Variants in TCF7L2 observed in about 807,000 individuals in gnomAD.
TCF7L2 encodes transcription factor 7-like 2.
In TCF7L2, 23 loss-of-function variants were observed where a neutral mutation model predicts 77.9. The observed-to-expected ratio is 0.30, with a 90% CI of 0.21 to 0.42. TCF7L2 has a LOEUF of 0.42. Among genes scored for constraint, TCF7L2 ranks in the 10% least tolerant of loss-of-function variants. The pLI, the probability that TCF7L2 is intolerant of heterozygous loss-of-function variation, is 1.00. For missense variants in TCF7L2, 654 were observed against 793.1 expected (o/e 0.82, Z 2.11); for synonymous variants, 413 against 340.2 (o/e 1.21, Z -2.36).
At chr10:112,967,585 A>G (rs1237754779) in intron 4 of TCF7L2, among the ~76,000 whole-genome samples, 1 of 152,162 alleles carries the variant, frequency 6.6e-6, no homozygotes, top group East Asian at 1.9e-4. Flanking sequence ...TCAGATGGCC[A>G]CGTTCTCCCA....
chr10:113,091,254 A>T (rs2060372335), intron 5 of TCF7L2, among the ~76,000 whole-genome samples: 1 of 152,230 alleles, frequency 6.6e-6, no homozygotes, highest in South Asian at 2.1e-4. Context: ...ATTCATATGC[A>T]CAGACCTTAA....
intron 5 of TCF7L2, among the ~76,000 whole-genome samples, chr10:113,079,287 A>G (rs2059063366): frequency 6.6e-6 from 1 of 152,146 alleles, no homozygotes. Flanking sequence ...GAAGACAGGA[A>G]AATTTGTTTT....
At chr10:113,081,664 G>C (rs1202353766) in intron 5 of TCF7L2, among the ~76,000 whole-genome samples, 1 of 152,178 alleles carries the variant, frequency 6.6e-6, no homozygotes, top group African/African-American at 2.4e-5. Flanking sequence ...ATTGCAAGGA[G>C]AGTTCATTTT....
At chr10:113,027,394 A>C (rs1218648321) in intron 4 of TCF7L2, among the ~76,000 whole-genome samples, 3 of 152,158 alleles carry the variant, frequency 2.0e-5, no homozygotes, top group Non-Finnish European at 4.4e-5. Context: ...GGTGCCTGTC[A>C]ACGATTCTCT....
At chr10:112,961,174 C>T (rs144540082) in intron 3 of TCF7L2, among the ~76,000 whole-genome samples, 9 of 143,744 alleles carry the variant, frequency 6.3e-5, no homozygotes, top group Admixed American at 2.9e-4. Flanking sequence ...CCACCACGCC[C>T]GGCTAATTTT....
At chr10:112,976,644 T>G (rs1446796362) in intron 4 of TCF7L2, among the ~76,000 whole-genome samples, 2 of 152,166 alleles carry the variant, frequency 1.3e-5, no homozygotes, top group East Asian at 3.8e-4. Flanking sequence ...GAGATTGGGG[T>G]AGGTGTATAT....
intron 3 of TCF7L2, among the ~76,000 whole-genome samples, chr10:112,955,749 GA>G (rs965161241): frequency 1.3e-5 from 2 of 152,164 alleles, no homozygotes; most frequent in African/African-American, 2.4e-5. Flanking sequence ...AGCAAGCTGT[GA>G]AAAAGTTACC....
intron 5 of TCF7L2, among the ~76,000 whole-genome samples, chr10:113,117,365 TTCTCTCTCTCTCTCTCTC>T (rs1247649039): frequency 2.5e-5 from 3 of 122,152 alleles, no homozygotes; most frequent in Admixed American, 9.2e-5. Context: ...TGAAGGGATT[TTCTCTCTCTCTCTCTCTC>T]TCTCTCTCTC....
intron 5 of TCF7L2, among the ~76,000 whole-genome samples, chr10:113,059,592 C>T (rs1385642807): frequency 1.3e-5 from 2 of 152,018 alleles, no homozygotes. Flanking sequence ...GCGGGTCAGG[C>T]TTTAACGTGC....
chr10:113,091,044 G>A (rs2060343680), intron 5 of TCF7L2, among the ~76,000 whole-genome samples: 1 of 152,134 alleles, frequency 6.6e-6, no homozygotes, highest in South Asian at 2.1e-4. Context: ...TGGGATTACA[G>A]GCACCTGTTA....
intron 5 of TCF7L2, among the ~76,000 whole-genome samples, chr10:113,068,440 G>A (rs1363951306): frequency 6.6e-6 from 1 of 152,194 alleles, no homozygotes; most frequent in Admixed American, 6.5e-5. Flanking sequence ...AGGGATGGGA[G>A]GTGGCCTTTT....
At chr10:113,165,336 C>G (rs537252289) in intron 13 of TCF7L2, among the ~76,000 whole-genome samples, 1 of 152,212 alleles carries the variant, frequency 6.6e-6, no homozygotes, top group East Asian at 1.9e-4. Flanking sequence ...AGTTCAGACT[C>G]TTAAATAAGT....
intron 4 of TCF7L2, among the ~76,000 whole-genome samples, chr10:112,990,655 G>A (rs901626532): frequency 5.3e-5 from 8 of 152,044 alleles, no homozygotes; most frequent in Admixed American, 1.3e-4. Flanking sequence ...GCAGTGAGCC[G>A]TGATTGTGCC....
At chr10:113,139,592 C>T (rs1166138030) in intron 5 of TCF7L2, among the ~76,000 whole-genome samples, 1 of 118,430 alleles carries the variant, frequency 8.4e-6, no homozygotes, top group Non-Finnish European at 1.6e-5. Context: ...GCCCCTTTCT[C>T]CAAGAGTCCA....
At chr10:113,122,274 T>A (rs1265260893) in intron 5 of TCF7L2, among the ~76,000 whole-genome samples, 1 of 152,250 alleles carries the variant, frequency 6.6e-6, no homozygotes, top group Admixed American at 6.5e-5. Flanking sequence ...TAATAGGGTT[T>A]ATCTTTCTAT....
Position 113,076,712 on chromosome 10 carries a change from T to C in TCF7L2, c.552+36586T>C, listed in dbSNP as rs150770748. On this transcript the variant is annotated intron_variant, in intron 5 of 13. Transcript: ENST00000627217. The stretch of plus-strand genomic sequence containing the variant: ...CGGTTCCCACTTTAACCTTGTGTTA[T>C]GTTAAGTGGCTTTGTTGAAGAGGGC... 3.0e-3 allele frequency among the ~76,000 whole-genome samples: 454 copies of C among 152,352 alleles called. 3 individuals are homozygous for C. Among genetic ancestry groups the C allele is most frequent in the African/African-American group, 0.011 (437 of 41,576 alleles).
At chr10:112,984,314 G>GT (rs944406541) in intron 4 of TCF7L2, among the ~76,000 whole-genome samples, 109 of 150,490 alleles carry the variant, frequency 7.2e-4, no homozygotes, top group African/African-American at 1.8e-3. Flanking sequence ...TTTTGTTTTT[G>GT]TTTTTTTTTG....
intron 4 of TCF7L2, among the ~76,000 whole-genome samples, chr10:112,983,718 A>G (rs904259769): frequency 1.3e-5 from 2 of 152,154 alleles, no homozygotes; most frequent in African/African-American, 4.8e-5. Context: ...ACCTTTGGAA[A>G]TTGTGATTGG....
chr10:113,130,717 ACT>A (rs1564935752), intron 5 of TCF7L2, among the ~76,000 whole-genome samples: 1 of 151,778 alleles, frequency 6.6e-6, no homozygotes, highest in African/African-American at 2.4e-5. Context: ...GATCCATTAT[ACT>A]CTCTTCAACT....
Sources: gnomAD v4.1 joint callset for allele counts (sites outside exome capture counted in the v4.1 genomes callset) on GRCh38, gnomAD v4.1.1 for gene constraint, MANE v1.5 for transcripts, NCBI Gene and HGNC (gene_info 2026-07-23, HGNC 2026-07-21) for gene names.